VPS13A: variants seen among roughly 807,000 people sequenced by gnomAD.
VPS13A encodes vacuolar protein sorting 13 homolog A, also known as intermembrane lipid transfer protein VPS13A.
In VPS13A, 264 loss-of-function variants were observed where a neutral mutation model predicts 390.9. The ratio of observed to expected loss-of-function variants is 0.68; its 90% CI spans 0.61 to 0.75. The LOEUF is 0.75. Ranked by LOEUF, VPS13A falls within the 30% of genes least tolerant of loss-of-function variation. The pLI is 0.00. For missense variants in VPS13A, 3,409 were observed against 3,733.9 expected (o/e 0.91, Z 2.27); for synonymous variants, 1,231 against 1,227.1 (o/e 1.00, Z -0.07).
At chr9:77,384,520 T>C (rs200266155) in intron 68 of VPS13A, 56 of 1,602,548 alleles carry the variant, frequency 3.5e-5, no homozygotes, top group Middle Eastern at 1.7e-4. Flanking sequence ...ATCTTACATG[T>C]TTTCAAGCAA....
At chr9:77,407,772 C>A (rs1346033532) in intron 71 of VPS13A, 165 bp downstream of exon 71, 4 of 579,730 alleles carry the variant, frequency 6.9e-6, no homozygotes, top group African/African-American at 3.8e-5. Context: ...ATAATATTTA[C>A]CCCAGACTTT....
At position 77,370,469 on chromosome 9, in the gene VPS13A, C is replaced by T; in HGVS notation, c.8798C>T (p.Ala2933Val). The T allele has an allele frequency of 6.2e-7, 1 of 1,614,116 alleles. No individual in the cohort carries two copies. The highest frequency in any genetic ancestry group is 8.5e-7 in the Non-Finnish European group (1 of 1,180,020). ...ACCGGTGCTATGGCTAAGGGGGTAG[C>T]AGCTATGACCATGGATGAAGACTAC... is the stretch of plus-strand genomic sequence containing the variant. ...KITGAMAKGV[A>V]AMTMDEDYQQ... The change falls in exon 65 of 72, where the codon GCA becomes GTA. Residue 2933 changes from alanine (A) to valine (V), a missense_variant. Ala to Val is a moderately conservative substitution (Grantham distance 64). Around this residue, in one of 5 missense-constraint regions of VPS13A, gnomAD observed 318 missense variants for 333.7 expected, o/e 0.95. Transcript: ENST00000360280.
intron 1 of VPS13A, among the ~76,000 whole-genome samples, chr9:77,188,904 G>A (rs965582490): frequency 8.6e-5 from 13 of 151,560 alleles, no homozygotes; most frequent in African/African-American, 1.5e-4. Flanking sequence ...TTTCTTGGCC[G>A]CATGTGTCTT....
At chr9:77,190,136 T>C (rs1589972467) in intron 1 of VPS13A, among the ~76,000 whole-genome samples, 1 of 152,198 alleles carries the variant, frequency 6.6e-6, no homozygotes, top group Non-Finnish European at 1.5e-5. Flanking sequence ...CAGAACTATG[T>C]TGAATAGGAG....
intron 45 of VPS13A, among the ~76,000 whole-genome samples, chr9:77,326,781 A>G (rs912742959): frequency 6.6e-6 from 1 of 152,142 alleles, no homozygotes; most frequent in Non-Finnish European, 1.5e-5. Context: ...TTGGTTACCT[A>G]AAACTACTGT....
At chr9:77,321,402 A>G (rs1829737780) in intron 43 of VPS13A, 75 bp downstream of exon 43, 1 of 1,583,608 alleles carries the variant, frequency 6.3e-7, no homozygotes, top group African/African-American at 1.3e-5. Context: ...AAGAAGTTTA[A>G]TAACTTAGTT....
intron 7 of VPS13A, 74 bp downstream of exon 7, chr9:77,210,749 A>G (rs1825937058): frequency 3.1e-5 from 45 of 1,458,426 alleles, no homozygotes; most frequent in Non-Finnish European, 3.6e-5. Context: ...CTATTTGTAT[A>G]TGCCAGCATC....
intron 22 of VPS13A, 85 bp downstream of exon 22, chr9:77,252,437 T>G: frequency 9.2e-7 from 1 of 1,084,078 alleles, no homozygotes; most frequent in Non-Finnish European, 1.4e-6. Context: ...GACTCTTCCT[T>G]GTGTGTGTGG....
Position 77,250,201 on chromosome 9 carries a change from A to G in VPS13A, c.2142A>G (p.Thr714=), listed in dbSNP as rs1424295857. 4 of 1,613,648 alleles carry G rather than the reference A, an allele frequency of 2.5e-6. No individual in the cohort carries two copies. The East Asian group carries it at 6.7e-5, about 27-fold the overall frequency. Residue 714 remains threonine, a synonymous_variant, in exon 21 of 72, where the codon ACA becomes ACG. Transcript: ENST00000360280. Reference sequence around the variant, plus strand: ...ATGATTCATTTGATATTCAACTTACAAGTGTACAGCTGCTTTACAGTAGAG... The same window carrying G: ...ATGATTCATTTGATATTCAACTTACGAGTGTACAGCTGCTTTACAGTAGAG... ...RAYDSFDIQL[T]SVQLLYSRVG... is the part of the protein sequence containing the mutation.
chr9:77,232,078 T>G (rs142474224), intron 17 of VPS13A, among the ~76,000 whole-genome samples: 1 of 152,326 alleles, frequency 6.6e-6, no homozygotes, highest in East Asian at 1.9e-4. Flanking sequence ...TATGGCTTTA[T>G]TTTTGGACTC....
At chr9:77,343,320 G>C (rs1343266836) in intron 50 of VPS13A, among the ~76,000 whole-genome samples, 1 of 152,110 alleles carries the variant, frequency 6.6e-6, no homozygotes, top group African/African-American at 2.4e-5. Flanking sequence ...TCCATTTTAT[G>C]GTTGAATAAA....
At chr9:77,200,102 A>T (rs1825238304) in intron 2 of VPS13A, 114 bp downstream of exon 2, 1 of 1,029,796 alleles carries the variant, frequency 9.7e-7, no homozygotes, top group Non-Finnish European at 1.4e-6. Context: ...TTTTGTAAAT[A>T]ATTTTTGCAA....
chr9:77,246,296 T>A (rs1019448502), intron 19 of VPS13A, among the ~76,000 whole-genome samples: 3 of 152,070 alleles, frequency 2.0e-5, no homozygotes, highest in Non-Finnish European at 4.4e-5. Flanking sequence ...GTGTTGGCAC[T>A]TGACACTTGC....
chr9:77,294,902 C>T (rs1297860771), intron 32 of VPS13A, among the ~76,000 whole-genome samples: 2 of 151,846 alleles, frequency 1.3e-5, no homozygotes, highest in East Asian at 3.9e-4. Flanking sequence ...GACACGATCT[C>T]GCTGTATTGC....
At chr9:77,410,288 G>A (rs1251655311) in intron 71 of VPS13A, among the ~76,000 whole-genome samples, 2 of 152,140 alleles carry the variant, frequency 1.3e-5, no homozygotes, top group Non-Finnish European at 2.9e-5. Flanking sequence ...AAGAGCTCCT[G>A]AAGGAAGCAC....
chr9:77,353,407 A>C lies in VPS13A; in HGVS notation c.7420-2A>C, dbSNP rs1175632662. 3 of 1,519,768 alleles carry C rather than the reference A, an allele frequency of 2.0e-6. No individual in the cohort carries two copies. Among genetic ancestry groups the C allele is most frequent in the Non-Finnish European group, 2.7e-6 (3 of 1,130,154 alleles). The allele number at this position is 1,519,768 out of a possible 1,614,324, so 94.1% of individuals were successfully genotyped here. A position where few individuals can be genotyped will look rare whatever the true frequency, so the allele number is the denominator to read the frequency against. On this transcript the variant is annotated splice_acceptor_variant, in intron 53 of 71. Transcript: ENST00000360280. LOFTEE classifies it high-confidence loss of function. ...TTTTTTTTTTTGGTGGTTTTATTCT[A>C]GGATATGATGATGCCTATAGATTTG...
At chr9:77,383,379 G>A (rs1833539869) in intron 68 of VPS13A, among the ~76,000 whole-genome samples, 1 of 152,032 alleles carries the variant, frequency 6.6e-6, no homozygotes, top group Non-Finnish European at 1.5e-5. Context: ...TCTCTACAAT[G>A]ACAGTGTATC....
intron 23 of VPS13A, among the ~76,000 whole-genome samples, chr9:77,269,871 A>C (rs1355988843): frequency 6.6e-6 from 1 of 152,220 alleles, no homozygotes; most frequent in Non-Finnish European, 1.5e-5. Context: ...AAATGAGACC[A>C]CTAGGGTGGG....
At chr9:77,401,230 C>G (rs1391965780) in intron 68 of VPS13A, among the ~76,000 whole-genome samples, 1 of 151,680 alleles carries the variant, frequency 6.6e-6, no homozygotes, top group Non-Finnish European at 1.5e-5. Context: ...TGGATATTAC[C>G]ACATATTTTT....
Sources: gnomAD v4.1 joint callset for allele counts (sites outside exome capture counted in the v4.1 genomes callset) on GRCh38, gnomAD v4.1.1 for gene constraint, gnomAD v4.1.1 regional missense constraint, MANE v1.5 for transcripts, NCBI Gene and HGNC (gene_info 2026-07-23, HGNC 2026-07-21) for gene names.